RARB: variants seen among roughly 807,000 people sequenced by gnomAD.
The protein encoded by RARB is HBV-activated protein.
In RARB, 17 loss-of-function variants were observed where a neutral mutation model predicts 51.9. That is an observed-to-expected ratio of 0.33 (90% CI 0.22 to 0.49). The LOEUF (loss-of-function observed/expected upper bound fraction) is 0.49, where lower values mean the gene tolerates loss of function less well. RARB is among the 20% of genes least tolerant of loss of function. The pLI is 0.99. For synonymous variants in RARB, 215 were observed against 195.4 expected (o/e 1.10, Z -0.84); for missense variants, 369 against 550.8 (o/e 0.67, Z 3.30).
chr3:24,860,661 A>G (rs1327991798), intron 2 of RARB, among the ~76,000 whole-genome samples: 5 of 152,204 alleles, frequency 3.3e-5, no homozygotes, highest in African/African-American at 1.2e-4. Context: ...CATTGCATGC[A>G]GTCTTTAAAT....
intron 2 of RARB, among the ~76,000 whole-genome samples, chr3:24,904,419 C>T (rs1353551664): frequency 2.0e-5 from 3 of 152,166 alleles, no homozygotes; most frequent in African/African-American, 4.8e-5. Flanking sequence ...AAAAGCTCAT[C>T]ATCACTGGTC....
chr3:25,511,178 G>A (rs946158319), intron 3 of RARB, among the ~76,000 whole-genome samples: 2 of 152,018 alleles, frequency 1.3e-5, no homozygotes, highest in Non-Finnish European at 2.9e-5. Flanking sequence ...TGTTGCCCAG[G>A]CTGGAGTGCA....
intron 2 of RARB, among the ~76,000 whole-genome samples, chr3:24,997,898 A>T (rs1697076865): frequency 6.6e-6 from 1 of 152,170 alleles, no homozygotes. Context: ...ATTTTTACTT[A>T]GAATCTGTTA....
At chr3:25,358,860 G>A (rs979811217) in intron 5 of RARB, among the ~76,000 whole-genome samples, 2 of 152,108 alleles carry the variant, frequency 1.3e-5, no homozygotes, top group Admixed American at 6.5e-5. Context: ...GATTTTTAAT[G>A]TGCTGCTGGA....
intron 1 of RARB, among the ~76,000 whole-genome samples, chr3:25,456,554 ATTTTTTTTTTT>A (rs35056259): frequency 2.3e-5 from 1 of 44,116 alleles, no homozygotes; most frequent in Non-Finnish European, 4.0e-5. Context: ...TATACCACTG[ATTTTTTTTTTT>A]TTTTTTTTTT....
At chr3:25,455,866 G>A (rs1315640845) in intron 1 of RARB, among the ~76,000 whole-genome samples, 1 of 152,180 alleles carries the variant, frequency 6.6e-6, no homozygotes, top group African/African-American at 2.4e-5. Flanking sequence ...TCCATAAGTA[G>A]GCAAGGAAAT....
At chr3:24,861,964 A>T (rs2125342568) in intron 2 of RARB, among the ~76,000 whole-genome samples, 1 of 152,364 alleles carries the variant, frequency 6.6e-6, no homozygotes, top group Admixed American at 6.5e-5. Flanking sequence ...TAAGTGGATC[A>T]GCTGTCCTGC....
intron 2 of RARB, among the ~76,000 whole-genome samples, chr3:25,491,856 G>A (rs554270512): frequency 2.0e-5 from 3 of 151,860 alleles, no homozygotes; most frequent in African/African-American, 7.3e-5. Context: ...CACAAGAATC[G>A]CTGGAACCCA....
chr3:24,965,374 A>G (rs1372730885), intron 2 of RARB, among the ~76,000 whole-genome samples: 1 of 152,204 alleles, frequency 6.6e-6, no homozygotes, highest in African/African-American at 2.4e-5. Context: ...CATTTCGAGG[A>G]AGGCTGATGA....
At chr3:24,944,998 T>A (rs1695743920) in intron 2 of RARB, among the ~76,000 whole-genome samples, 1 of 152,146 alleles carries the variant, frequency 6.6e-6, no homozygotes, top group Non-Finnish European at 1.5e-5. Flanking sequence ...AAAATACACG[T>A]GTGTGAACAT....
intron 5 of RARB, among the ~76,000 whole-genome samples, chr3:25,394,534 C>T (rs1203731321): frequency 1.3e-5 from 2 of 151,990 alleles, no homozygotes; most frequent in Non-Finnish European, 2.9e-5. Context: ...TGCCATCTAT[C>T]TCATTTCTTG....
chr3:25,311,180 T>G (rs1386601635), intron 5 of RARB, among the ~76,000 whole-genome samples: 2 of 152,222 alleles, frequency 1.3e-5, no homozygotes, highest in East Asian at 3.9e-4. Flanking sequence ...GTGGCAGGCA[T>G]AAAGGAGAGG....
At chr3:25,548,499 A>T (rs2125664433) in intron 3 of RARB, among the ~76,000 whole-genome samples, 1 of 152,260 alleles carries the variant, frequency 6.6e-6, no homozygotes, top group South Asian at 2.1e-4. Context: ...CTTGATTTTA[A>T]GGCAGTGCCA....
chr3:25,345,102 G>A (rs1462677870), intron 5 of RARB, among the ~76,000 whole-genome samples: 2 of 152,142 alleles, frequency 1.3e-5, no homozygotes, highest in African/African-American at 4.8e-5. Context: ...GAAAATATCT[G>A]TGGGTGTTGA....
chr3:24,991,950 C>T (rs938605022), intron 2 of RARB, among the ~76,000 whole-genome samples: 3 of 152,182 alleles, frequency 2.0e-5, no homozygotes, highest in East Asian at 1.9e-4. Flanking sequence ...CCAAACTGTG[C>T]AGAGGTGTAC....
chr3:25,011,233 A>G (rs1697387937), intron 2 of RARB, among the ~76,000 whole-genome samples: 1 of 152,136 alleles, frequency 6.6e-6, no homozygotes, highest in Non-Finnish European at 1.5e-5. Flanking sequence ...TGAATGATGT[A>G]GTACCATATG....
intron 5 of RARB, among the ~76,000 whole-genome samples, chr3:25,256,713 GC>G (rs1702873343): frequency 6.6e-6 from 1 of 152,008 alleles, no homozygotes; most frequent in Non-Finnish European, 1.5e-5. Flanking sequence ...AATCAGTGGA[GC>G]AGAAAAGATA....
chr3:25,164,620 T>G (rs1700531124), intron 4 of RARB, among the ~76,000 whole-genome samples: 1 of 152,232 alleles, frequency 6.6e-6, no homozygotes, highest in Non-Finnish European at 1.5e-5. Flanking sequence ...CCCTTCAAAT[T>G]ATAGGTATGT....
intron 5 of RARB, among the ~76,000 whole-genome samples, chr3:25,359,725 G>T (rs533393748): frequency 6.6e-6 from 1 of 152,154 alleles, no homozygotes; most frequent in Admixed American, 6.5e-5. Context: ...CCTCAATTTT[G>T]TTATTTACCC....
Sources: allele counts gnomAD v4.1 joint callset (sites outside exome capture counted in the v4.1 genomes callset), GRCh38; gene constraint gnomAD v4.1.1; transcripts MANE v1.5; gene names NCBI Gene and HGNC (gene_info 2026-07-23, HGNC 2026-07-21).